KANK2: variants seen among roughly 807,000 people sequenced by gnomAD.
KANK2 encodes the protein KN motif and ankyrin repeat domains 2.
Under a neutral mutation model 74.6 loss-of-function variants are expected in KANK2, and 41 were observed. The ratio of observed to expected loss-of-function variants is 0.55; its 90% CI spans 0.43 to 0.71. KANK2 has a LOEUF of 0.71. Ranked by LOEUF, KANK2 falls within the 30% of genes least tolerant of loss-of-function variation. The pLI is 0.00. For missense variants in KANK2, 1,148 were observed against 1,196.4 expected (o/e 0.96, Z 0.60); for synonymous variants, 537 against 519.0 (o/e 1.03, Z -0.47).
At position 11,184,267 on chromosome 19, in the gene KANK2, T is replaced by G. The variant is rs886771685; in HGVS notation, c.1250-5547A>C. ...GGCAGGCACCTGTAATCCCAGCTAC[T>G]CGGGAGGATGAGGCAGGAGAATTGC... On this transcript the variant is annotated intron_variant, in intron 4 of 12. Transcript: ENST00000586659. Among the ~76,000 whole-genome samples, 4 of 149,682 alleles carry G rather than the reference T, an allele frequency of 2.7e-5. 1 individual carries two copies. The highest frequency in any genetic ancestry group is 9.8e-5 in the African/African-American group (4 of 40,632).
chr19:11,192,791 C>CA (rs373780770), intron 4 of KANK2, 40 bp downstream of exon 4: 2 of 1,582,722 alleles, frequency 1.3e-6, no homozygotes, highest in Admixed American at 1.7e-5. Context: ...AGGCCCCCCC[C>CA]CCCCAAGCCA....
intron 4 of KANK2, among the ~76,000 whole-genome samples, chr19:11,190,107 A>T (rs2078797641): frequency 6.6e-6 from 1 of 151,102 alleles, no homozygotes; most frequent in South Asian, 2.1e-4. Context: ...CTGCAGATTC[A>T]AGCTGTCCTG....
intron 12 of KANK2, among the ~76,000 whole-genome samples, chr19:11,168,569 G>A (rs184198530): frequency 1.8e-4 from 27 of 152,192 alleles, no homozygotes; most frequent in East Asian, 3.9e-4. Flanking sequence ...GAGCCACCGC[G>A]CCCAGCCTGA....
chr19:11,174,249 C>T (rs2078265140), intron 9 of KANK2, among the ~76,000 whole-genome samples: 1 of 152,202 alleles, frequency 6.6e-6, no homozygotes, highest in South Asian at 2.1e-4. Flanking sequence ...AAGGTGCCGT[C>T]TCCTCTATCA....
chr19:11,176,541 C>A (rs764551040), intron 7 of KANK2, 37 bp downstream of exon 7: 2 of 1,537,648 alleles, frequency 1.3e-6, no homozygotes. Context: ...CATCCACCCC[C>A]GGCCCTGCCT....
chr19:11,170,146 C>T lies in KANK2; in HGVS notation c.2314G>A (p.Gly772Ser), dbSNP rs368403186. The T allele has an allele frequency of 6.2e-6, 10 of 1,612,456 alleles. No homozygotes were observed. Among genetic ancestry groups the T allele is most frequent in the South Asian group, 4.4e-5 (4 of 91,090 alleles). Reference sequence around the variant, plus strand: ...CAGGCGCACATGAGGGCCGTGGAGCCGTCATCATCTTGCACGTTGACATCT... The same window carrying T: ...CAGGCGCACATGAGGGCCGTGGAGCTGTCATCATCTTGCACGTTGACATCT... ...EADVNVQDDD[G>S]STALMCACEH... Residue 772 changes from glycine to serine, a missense_variant, in exon 11 of 13, where the codon GGC becomes AGC. By Grantham distance (56) the Gly-to-Ser change is moderately conservative. Coordinates refer to ENST00000586659, the MANE Select transcript of KANK2 (RefSeq NM_001136191.3). The surrounding 1 kb of genome is among the most constrained non-coding windows in gnomAD (Gnocchi z 5.2).
chr19:11,174,284 C>T (rs2078266019), intron 9 of KANK2, among the ~76,000 whole-genome samples, 189 bp downstream of exon 9: 1 of 152,164 alleles, frequency 6.6e-6, no homozygotes. Flanking sequence ...TGTCCCTCCA[C>T]ATCCAATCGG....
intron 4 of KANK2, among the ~76,000 whole-genome samples, chr19:11,186,504 C>A (rs904698442): frequency 6.6e-6 from 1 of 152,014 alleles, no homozygotes; most frequent in African/African-American, 2.4e-5. Flanking sequence ...TGGAGACGAG[C>A]CTGACCAACA....
chr19:11,192,431 CTTTTTT>C (rs34285924), intron 4 of KANK2: 27 of 159,876 alleles, frequency 1.7e-4, no homozygotes, highest in South Asian at 2.4e-4. Context: ...CCTTGGCATT[CTTTTTT>C]TTTTTTTTTT....
chr19:11,176,271 T>TA (rs1243709520), intron 7 of KANK2, among the ~76,000 whole-genome samples: 1 of 151,972 alleles, frequency 6.6e-6, no homozygotes, highest in African/African-American at 2.4e-5. Flanking sequence ...ACCAGGGGAA[T>TA]AAAAAAGAGA....
intron 1 of KANK2, chr19:11,196,690 TG>T (rs1404741146): frequency 1.3e-5 from 2 of 151,710 alleles, no homozygotes; most frequent in African/African-American, 4.9e-5. Context: ...CGAGGGGGTG[TG>T]GTGGGGGAGA....
At chr19:11,176,396 G>C (rs2078337084) in intron 7 of KANK2, among the ~76,000 whole-genome samples, 182 bp downstream of exon 7, 1 of 152,198 alleles carries the variant, frequency 6.6e-6, no homozygotes, top group Admixed American at 6.5e-5. Flanking sequence ...GTTCCACCAG[G>C]CCCTTTAGCA....
Position 11,193,769 on chromosome 19 carries a change from C to G in KANK2, c.311G>C (p.Gly104Ala), listed in dbSNP as rs563614728. 1.9e-4 allele frequency: 314 copies of G among 1,612,760 alleles called. 4 individuals are homozygous for G. The South Asian group carries it at 3.3e-3, about 17-fold the overall frequency. Residue 104 changes from glycine to alanine, a missense_variant, in exon 4 of 13, where the codon GGC becomes GCC. Coordinates refer to ENST00000586659, the MANE Select transcript of KANK2 (RefSeq NM_001136191.3). This position sits in a 1 kb window ranked among gnomAD's most constrained non-coding sequence, Gnocchi z 9.6. ...DSRHSAYSYC[G>A]RGFYPQYGAL... ...ACCATACTGAGGGTAGAAGCCACGG[C>G]CGCAGTAGGAATAGGCTGAGTGGCG...
intron 10 of KANK2, among the ~76,000 whole-genome samples, chr19:11,171,966 AC>A (rs1273813762): frequency 7.5e-6 from 1 of 133,822 alleles, no homozygotes; most frequent in South Asian, 2.4e-4. Context: ...GAGCCACCGC[AC>A]CCGGCTAATT....
At chr19:11,167,192 A>G (rs1386936059) in intron 12 of KANK2, among the ~76,000 whole-genome samples, 1 of 151,778 alleles carries the variant, frequency 6.6e-6, no homozygotes, top group African/African-American at 2.4e-5. Flanking sequence ...CAGCCTCCTT[A>G]GTAGCTGGGA....
At chr19:11,173,162 T>C (rs779800581) in intron 9 of KANK2, 39 bp from the exon 10 acceptor site, 1 of 1,590,982 alleles carries the variant, frequency 6.3e-7, no homozygotes, top group Admixed American at 1.7e-5. Flanking sequence ...CAGGGATCGC[T>C]GCTAGTGGAC....
In KANK2 at chr19:11,172,973, C is replaced by A; in HGVS notation, c.2211+8G>T. On this transcript the variant is annotated splice_region_variant and intron_variant, in intron 10 of 12. Coordinates refer to ENST00000586659, the MANE Select transcript of KANK2 (RefSeq NM_001136191.3). ...CACCTGGATCTGCAGCAGCCGGGGT[C>A]CCCATACCTGGCTGGCTTTGGCATT... is the stretch of plus-strand genomic sequence containing the variant. 1 of 1,612,348 alleles carries A rather than the reference C, an allele frequency of 6.2e-7. No homozygotes were observed. Among genetic ancestry groups the A allele is most frequent in the African/African-American group, 1.3e-5 (1 of 74,976 alleles).
At chr19:11,190,874 G>C (rs968811588) in intron 4 of KANK2, among the ~76,000 whole-genome samples, 1 of 151,802 alleles carries the variant, frequency 6.6e-6, no homozygotes, top group Non-Finnish European at 1.5e-5. Context: ...GGGATTACAG[G>C]TGCCGGCCAC....
At position 11,170,298 on chromosome 19, in the gene KANK2, G is replaced by T; in HGVS notation, c.2212-50C>A. On this transcript the variant is annotated intron_variant, in intron 10 of 12. Coordinates refer to ENST00000586659, the MANE Select transcript of KANK2 (RefSeq NM_001136191.3). The surrounding 1 kb of genome is among the most constrained non-coding windows in gnomAD (Gnocchi z 5.2). ...ATGGTTCATGCAGGCCCCAGGGCAG[G>T]ACACCCCCTGGTCTAGAACCTGCTG... The T allele has an allele frequency of 6.6e-7, 1 of 1,519,720 alleles. No individual in the cohort carries two copies. The highest frequency in any genetic ancestry group is 9.0e-7 in the Non-Finnish European group (1 of 1,108,144). 94.1% of individuals were successfully genotyped at this position (1,519,720 alleles called of 1,614,324 possible).
Sources: gnomAD v4.1 joint callset for allele counts (sites outside exome capture counted in the v4.1 genomes callset) on GRCh38, gnomAD v4.1.1 for gene constraint, Gnocchi (gnomAD v3.1) non-coding constraint, MANE v1.5 for transcripts, NCBI Gene and HGNC (gene_info 2026-07-23, HGNC 2026-07-21) for gene names.